Variants in RNF20 observed in about 807,000 individuals in gnomAD.
The protein encoded by RNF20 is E3 ubiquitin-protein ligase BRE1A.
Under a neutral mutation model 126.2 loss-of-function variants are expected in RNF20, and 84 were observed. The ratio of observed to expected loss-of-function variants is 0.67; its 90% CI spans 0.56 to 0.80. The LOEUF is 0.80. RNF20 is among the 30% of genes least tolerant of loss of function. The probability of loss-of-function intolerance (pLI) is 0.00; values close to 1 mark genes in which losing one functional copy is unlikely to be tolerated. For synonymous variants in RNF20, 400 were observed against 414.3 expected (o/e 0.97, Z 0.42); for missense variants, 869 against 1,188.2 (o/e 0.73, Z 3.95).
chr9:101,539,368 T>G (rs377723375), intron 2 of RNF20, among the ~76,000 whole-genome samples: 69 of 152,256 alleles, frequency 4.5e-4, no homozygotes, highest in African/African-American at 1.5e-3. Context: ...AGATTGGGGT[T>G]TGTTGACAGA....
chr9:101,546,868 G>T lies in RNF20; in HGVS notation c.796G>T (p.Val266Phe). The T allele has an allele frequency of 6.2e-7, 1 of 1,614,152 alleles. No individual in the cohort carries two copies. The highest frequency in any genetic ancestry group is 8.5e-7 in the Non-Finnish European group (1 of 1,179,968). ...KVETAESRVS[V>F]LESMIDDLQW... ...GGAGACAGCCGAATCACGAGTGTCTGTCCTGGAGTCCATGATTGATGACCT... is the reference window on the plus strand; with the variant it reads ...GGAGACAGCCGAATCACGAGTGTCTTTCCTGGAGTCCATGATTGATGACCT... The change falls in exon 7 of 20, where the codon GTC becomes TTC. Residue 266 changes from valine to phenylalanine, a missense_variant. By Grantham distance (50) the Val-to-Phe change is conservative (BLOSUM62 -1). Transcript: ENST00000389120.
At chr9:101,561,060 T>A (rs1263254561) in intron 17 of RNF20, 30 bp from the exon 18 acceptor site, 2 of 1,610,902 alleles carry the variant, frequency 1.2e-6, no homozygotes, top group Non-Finnish European at 1.7e-6. Flanking sequence ...GGTGATACAA[T>A]GGTGTCACTT....
intron 9 of RNF20, among the ~76,000 whole-genome samples, chr9:101,550,123 T>C (rs551595535): frequency 6.6e-5 from 10 of 152,324 alleles, no homozygotes; most frequent in African/African-American, 1.4e-4. Flanking sequence ...TGAATAAAGA[T>C]GTTTGAACTG....
intron 2 of RNF20, among the ~76,000 whole-genome samples, chr9:101,535,869 A>G (rs1450272479): frequency 6.6e-6 from 1 of 152,252 alleles, no homozygotes; most frequent in Non-Finnish European, 1.5e-5. Context: ...AGTCAGTACC[A>G]GATTCTAAGA....
intron 2 of RNF20, among the ~76,000 whole-genome samples, chr9:101,538,691 G>A (rs1185698531): frequency 1.3e-5 from 2 of 152,082 alleles, no homozygotes; most frequent in Non-Finnish European, 2.9e-5. Context: ...TTAATAAACT[G>A]GTACAGTGGG....
At chr9:101,542,357 A>G (rs1387255096) in intron 5 of RNF20, among the ~76,000 whole-genome samples, 2 of 152,242 alleles carry the variant, frequency 1.3e-5, no homozygotes, top group African/African-American at 4.8e-5. Context: ...CTCAAAAGAT[A>G]ACCATTCTAA....
intron 19 of RNF20, 111 bp downstream of exon 19, chr9:101,562,122 TG>T (rs1264864865): frequency 3.8e-6 from 5 of 1,302,276 alleles, no homozygotes; most frequent in Non-Finnish European, 4.3e-6. Context: ...TTTTGGAGGT[TG>T]GGGGGAAATG....
At chr9:101,558,006 CTTTTTTTT>C (rs200617735) in intron 16 of RNF20, among the ~76,000 whole-genome samples, 1 of 127,662 alleles carries the variant, frequency 7.8e-6, no homozygotes, top group African/African-American at 2.9e-5. Context: ...TGTGATTTTA[CTTTTTTTT>C]TTTTTTTTTT....
chr9:101,549,099 A>G (rs1489429603), intron 9 of RNF20, among the ~76,000 whole-genome samples: 1 of 152,148 alleles, frequency 6.6e-6, no homozygotes, highest in East Asian at 1.9e-4. Context: ...TGTAGAAATA[A>G]AGACACAAGA....
At chr9:101,561,426 G>T in intron 18 of RNF20, 196 bp downstream of exon 18, 1 of 540,032 alleles carries the variant, frequency 1.9e-6, no homozygotes, top group South Asian at 2.8e-5. Context: ...GCACCTAGTA[G>T]GCACAAAATA....
chr9:101,558,808 C>A (rs1827579252), intron 16 of RNF20, among the ~76,000 whole-genome samples: 1 of 151,946 alleles, frequency 6.6e-6, no homozygotes, highest in Non-Finnish European at 1.5e-5. Context: ...GATATTAGTC[C>A]TTTGTTGGAT....
intron 16 of RNF20, 64 bp downstream of exon 16, chr9:101,557,660 A>G: frequency 8.1e-7 from 1 of 1,238,412 alleles, no homozygotes; most frequent in South Asian, 1.3e-5. Flanking sequence ...TGATGATATA[A>G]GTAAAAGAAT....
intron 5 of RNF20, among the ~76,000 whole-genome samples, chr9:101,541,666 TTTAA>T (rs1397882626): frequency 2.0e-5 from 3 of 152,214 alleles, no homozygotes; most frequent in South Asian, 2.1e-4. Flanking sequence ...AACTATATTA[TTTAA>T]TTATTAGTTA....
chr9:101,544,718 A>T, intron 5 of RNF20, 49 bp from the exon 6 acceptor site: 1 of 1,345,958 alleles, frequency 7.4e-7, no homozygotes. Context: ...AAAAAAAAAA[A>T]AAAATGACAC....
intron 11 of RNF20, 94 bp from the exon 12 acceptor site, chr9:101,552,047 T>C: frequency 6.7e-7 from 1 of 1,500,796 alleles, no homozygotes; most frequent in Non-Finnish European, 9.1e-7. Flanking sequence ...ATTCTCCCTA[T>C]TTCTCAGTGC....
Position 101,540,508 on chromosome 9 carries a change from A to G in RNF20, c.316A>G (p.Ile106Val). The G allele has an allele frequency of 1.2e-5, 19 of 1,614,000 alleles. No individual in the cohort carries two copies. Among genetic ancestry groups the G allele is most frequent in the Non-Finnish European group, 1.6e-5 (19 of 1,179,994 alleles). The change falls in exon 4 of 20, where the codon ATC becomes GTC. Residue 106 changes from isoleucine to valine, a missense_variant. Ile to Val is a conservative substitution (Grantham distance 29). This residue lies in a region of RNF20 where 157 missense variants were observed against 236.0 expected (regional missense o/e 0.67). Coordinates refer to ENST00000389120, the MANE Select transcript of RNF20 (RefSeq NM_019592.7). ...TCTCCAGTTTGATGAAAACATCCGTATCATCCTTAAACGTTATGATCTGGA... is the reference window on the plus strand; with the variant it reads ...TCTCCAGTTTGATGAAAACATCCGTGTCATCCTTAAACGTTATGATCTGGA... The part of the protein sequence containing the change: ...YWSQFDENIR[I>V]ILKRYDLEQG...
chr9:101,541,245 C>T (rs1375310590), intron 5 of RNF20, among the ~76,000 whole-genome samples: 1 of 152,084 alleles, frequency 6.6e-6, no homozygotes, highest in Admixed American at 6.5e-5. Context: ...AATATTTTAA[C>T]CTTTTTGTAG....
chr9:101,547,377 C>A, intron 8 of RNF20, 22 bp from the exon 9 acceptor site: 1 of 1,613,460 alleles, frequency 6.2e-7, no homozygotes, highest in Non-Finnish European at 8.5e-7. Context: ...TATTTATTCT[C>A]TATTTTTCTG....
chr9:101,561,819 C>G (rs1343407649), intron 18 of RNF20, 91 bp from the exon 19 acceptor site: 2 of 873,996 alleles, frequency 2.3e-6, no homozygotes, highest in East Asian at 2.4e-5. Context: ...AAAGTCCCCT[C>G]TTTTCACAAC....
Sources: gnomAD v4.1 joint callset for allele counts (sites outside exome capture counted in the v4.1 genomes callset) on GRCh38, gnomAD v4.1.1 for gene constraint, gnomAD v4.1.1 regional missense constraint, MANE v1.5 for transcripts, NCBI Gene and HGNC (gene_info 2026-07-23, HGNC 2026-07-21) for gene names.